The following TARS3 variants were observed in gnomAD, a reference collection of about 807,000 sequenced individuals.
The protein encoded by TARS3 is threonine--tRNA ligase 2, cytoplasmic.
Under a neutral mutation model 103.5 loss-of-function variants are expected in TARS3, and 94 were observed. The ratio of observed to expected loss-of-function variants is 0.91; its 90% CI spans 0.77 to 1.08. The LOEUF (loss-of-function observed/expected upper bound fraction) is 1.08, where lower values mean the gene tolerates loss of function less well. TARS3 is among the 50% of genes least tolerant of loss of function. The pLI is 0.00. For missense variants in TARS3, 952 were observed against 995.2 expected (o/e 0.96, Z 0.58); for synonymous variants, 416 against 355.4 (o/e 1.17, Z -1.92).
In TARS3 at chr15:101,661,881, T is replaced by C. The variant is rs1897395073; in HGVS notation, c.1968-65A>G. On this transcript the variant is annotated intron_variant, in intron 15 of 18. Coordinates refer to ENST00000335968, the MANE Select transcript of TARS3 (RefSeq NM_152334.3). Reference sequence around the variant, plus strand: ...ATTCAATAACTATCTTCTAGCCTTATATTTAATTTTGAGAATAGATTTAGA... The same window carrying C: ...ATTCAATAACTATCTTCTAGCCTTACATTTAATTTTGAGAATAGATTTAGA... 4 of 1,004,692 alleles carry C rather than the reference T, an allele frequency of 4.0e-6. No individual in the cohort carries two copies. The Admixed American group carries it at 1.1e-4, about 27-fold the overall frequency. 62.2% of individuals were successfully genotyped at this position (1,004,692 alleles called of 1,614,324 possible). A position where few individuals can be genotyped will look rare whatever the true frequency, so the allele number is the denominator to read the frequency against.
intron 16 of TARS3, among the ~76,000 whole-genome samples, chr15:101,661,279 C>T (rs896710159): frequency 6.6e-6 from 1 of 151,768 alleles, no homozygotes; most frequent in Admixed American, 6.6e-5. Context: ...ACATGTTTTC[C>T]TCCTCAGTGG....
chr15:101,706,650 C>A (rs148670576), intron 6 of TARS3, among the ~76,000 whole-genome samples: 3 of 152,108 alleles, frequency 2.0e-5, no homozygotes, highest in Non-Finnish European at 4.4e-5. Flanking sequence ...CAAAGTTTAT[C>A]GTAATGATGA....
At chr15:101,718,530 AT>A (rs1428010796) in intron 3 of TARS3, among the ~76,000 whole-genome samples, 2 of 152,206 alleles carry the variant, frequency 1.3e-5, no homozygotes, top group Non-Finnish European at 2.9e-5. Context: ...GCTATGCAAG[AT>A]GGGAAAGACA....
chr15:101,671,558 C>T lies in TARS3; in HGVS notation c.1895G>A (p.Gly632Asp), dbSNP rs923907573. ...KIDIKIKDAI[G>D]RYHQCATIQL... is the part of the protein sequence containing the mutation. ...AATTGTAGCACATTGATGGTATCTG[C>T]CAATAGCATCCTTGATTTTTATGTC... The change falls in exon 15 of 19, where the codon GGC becomes GAC. Residue 632 changes from glycine (G) to aspartate (D), a missense_variant. Gly to Asp is a moderately conservative substitution (Grantham distance 94). Around this residue, in one of 2 missense-constraint regions of TARS3, gnomAD observed 540 missense variants for 631.0 expected, o/e 0.86. Transcript: ENST00000335968. 2 of 1,611,490 alleles carry T rather than the reference C, an allele frequency of 1.2e-6. No individual in the cohort carries two copies. Among genetic ancestry groups the T allele is most frequent in the Non-Finnish European group, 1.7e-6 (2 of 1,177,766 alleles).
At chr15:101,682,426 G>C (rs760610128) in intron 12 of TARS3, among the ~76,000 whole-genome samples, 111 of 151,782 alleles carry the variant, frequency 7.3e-4, no homozygotes, top group Non-Finnish European at 1.2e-3. Flanking sequence ...TTTTTAGTTT[G>C]TGAATGTGGG....
chr15:101,697,772 G>A (rs1260223619), intron 10 of TARS3, among the ~76,000 whole-genome samples: 1 of 152,152 alleles, frequency 6.6e-6, no homozygotes, highest in African/African-American at 2.4e-5. Context: ...AGTCTTAGGA[G>A]TGTGCTTTGT....
intron 5 of TARS3, among the ~76,000 whole-genome samples, chr15:101,710,499 C>T (rs1208215509): frequency 6.6e-6 from 1 of 152,202 alleles, no homozygotes; most frequent in East Asian, 1.9e-4. Flanking sequence ...GGGGAATCTG[C>T]ATTAACTCAG....
At chr15:101,708,182 CAGTGAGCCAAGATAGT>C (rs956634537) in intron 6 of TARS3, among the ~76,000 whole-genome samples, 7 of 126,698 alleles carry the variant, frequency 5.5e-5, no homozygotes, top group South Asian at 5.5e-4. Flanking sequence ...GCGGAGGTTG[CAGTGAGCCAAGATAGT>C]AGTGAGCCAA....
intron 10 of TARS3, among the ~76,000 whole-genome samples, chr15:101,694,183 G>A (rs1898862008): frequency 6.6e-6 from 1 of 152,164 alleles, no homozygotes; most frequent in East Asian, 1.9e-4. Context: ...AAGTTCACTT[G>A]CCTTTACTTA....
At chr15:101,663,293 A>G (rs1897453330) in intron 15 of TARS3, among the ~76,000 whole-genome samples, 1 of 152,236 alleles carries the variant, frequency 6.6e-6, no homozygotes. Context: ...CCTGCACCCA[A>G]GGAAGCTGAA....
intron 12 of TARS3, among the ~76,000 whole-genome samples, chr15:101,677,409 T>C (rs1368237331): frequency 2.0e-5 from 3 of 152,112 alleles, no homozygotes; most frequent in African/African-American, 7.2e-5. Flanking sequence ...CCACCAACTC[T>C]GGGACTTACA....
At chr15:101,696,454 G>A (rs1041250442) in intron 10 of TARS3, among the ~76,000 whole-genome samples, 1 of 152,088 alleles carries the variant, frequency 6.6e-6, no homozygotes, top group South Asian at 2.1e-4. Flanking sequence ...GGGACCCAAT[G>A]CGAGAACCAC....
chr15:101,671,020 G>A (rs1363419343), intron 15 of TARS3, among the ~76,000 whole-genome samples: 2 of 152,048 alleles, frequency 1.3e-5, no homozygotes, highest in Non-Finnish European at 2.9e-5. Context: ...AGCAGCACAA[G>A]AGAACAACAG....
intron 15 of TARS3, among the ~76,000 whole-genome samples, chr15:101,665,782 C>T (rs772722447): frequency 6.6e-6 from 1 of 152,106 alleles, no homozygotes; most frequent in African/African-American, 2.4e-5. Flanking sequence ...TTAAAATTTG[C>T]TCTTTGAAAG....
At chr15:101,684,750 A>G (rs1051792426) in intron 11 of TARS3, among the ~76,000 whole-genome samples, 5 of 152,196 alleles carry the variant, frequency 3.3e-5, no homozygotes, top group African/African-American at 1.2e-4. Flanking sequence ...AAAGCACTCA[A>G]CTATGTTCTC....
intron 5 of TARS3, among the ~76,000 whole-genome samples, chr15:101,710,599 C>T (rs1361945409): frequency 6.6e-6 from 1 of 152,154 alleles, no homozygotes; most frequent in Non-Finnish European, 1.5e-5. Context: ...GGGAAAAAAC[C>T]CACACCTTTG....
intron 10 of TARS3, among the ~76,000 whole-genome samples, chr15:101,698,844 T>G (rs550557206): frequency 1.3e-5 from 2 of 152,214 alleles, no homozygotes; most frequent in Non-Finnish European, 2.9e-5. Flanking sequence ...TTGTTAAGAA[T>G]AGAACACTTT....
chr15:101,723,961 C>T, intron 1 of TARS3, 130 bp downstream of exon 1: 1 of 890,062 alleles, frequency 1.1e-6, no homozygotes, highest in Non-Finnish European at 1.5e-6. Flanking sequence ...GGCGGGCCAG[C>T]CGCAGGGCAC....
chr15:101,686,495 T>G (rs1217450206), intron 10 of TARS3, among the ~76,000 whole-genome samples: 1 of 152,202 alleles, frequency 6.6e-6, no homozygotes, highest in Non-Finnish European at 1.5e-5. Context: ...AGAATTTTAG[T>G]GTATAACGAT....
Sources: gnomAD v4.1 joint callset for allele counts (sites outside exome capture counted in the v4.1 genomes callset) on GRCh38, gnomAD v4.1.1 for gene constraint, gnomAD v4.1.1 regional missense constraint, MANE v1.5 for transcripts, NCBI Gene and HGNC (gene_info 2026-07-23, HGNC 2026-07-21) for gene names.